NAV1: variants seen among roughly 807,000 people sequenced by gnomAD.
NAV1 encodes neuron navigator 1, also known as pore membrane and/or filament interacting like protein 3.
NAV1 carries 18 observed loss-of-function variants against 175.2 expected under a neutral mutation model. That is an observed-to-expected ratio of 0.10 (90% CI 0.07 to 0.15). NAV1 has a LOEUF of 0.15. NAV1 is among the 10% of genes least tolerant of loss of function. NAV1 has a pLI of 1.00. For synonymous variants in NAV1, 897 were observed against 978.7 expected (o/e 0.92, Z 1.56); for missense variants, 1,731 against 2,436.6 (o/e 0.71, Z 6.10).
At chr1:201,693,235 T>A (rs1671033324) in intron 1 of NAV1, among the ~76,000 whole-genome samples, 1 of 152,170 alleles carries the variant, frequency 6.6e-6, no homozygotes, top group Admixed American at 6.5e-5. Flanking sequence ...GGCAGATGGA[T>A]GTGTAAAGAG....
chr1:201,785,183 G>C, intron 7 of NAV1, 127 bp from the exon 12 acceptor site: 1 of 884,280 alleles, frequency 1.1e-6, no homozygotes, highest in Non-Finnish European at 1.7e-6. Context: ...GCTAAAGCAG[G>C]TCATAGTTTG....
intron 3 of NAV1, among the ~76,000 whole-genome samples, chr1:201,748,470 C>G (rs909483874): frequency 2.6e-5 from 4 of 151,906 alleles, no homozygotes; most frequent in Admixed American, 6.6e-5. Flanking sequence ...ACCTACCAGC[C>G]TCCACCAAGC....
chr1:201,782,135 G>A lies in NAV1; in HGVS notation c.1664-41G>A. On this transcript the variant is annotated intron_variant, in intron 5 of 29. Transcript: ENST00000367296. The surrounding 1 kb of genome is among the most constrained non-coding windows in gnomAD (Gnocchi z 5.4). ...GAAAAGGGTGGGTTTTTAAGATACTGGTCAGTTTCAGCTCTTTTCTCATTT... is the reference window on the plus strand; with the variant it reads ...GAAAAGGGTGGGTTTTTAAGATACTAGTCAGTTTCAGCTCTTTTCTCATTT... 1.3e-6 allele frequency: 2 copies of A among 1,507,662 alleles called. No individual in the cohort carries two copies. The highest frequency in any genetic ancestry group is 2.3e-5 in the East Asian group (1 of 44,030). 93.4% of individuals were successfully genotyped at this position (1,507,662 alleles called of 1,614,324 possible).
At chr1:201,739,866 G>A in intron 3 of NAV1, 1 of 1,281,082 alleles carries the variant, frequency 7.8e-7, no homozygotes, top group East Asian at 3.1e-5. Context: ...CCCTGGTGGT[G>A]GGGAGAAAAG....
chr1:201,579,098 A>T (rs1340028612), intron 1 of NAV1, among the ~76,000 whole-genome samples: 2 of 151,476 alleles, frequency 1.3e-5, no homozygotes, highest in African/African-American at 4.9e-5. Context: ...ACACCGTTGC[A>T]CTCTAGCCTG....
exon 5 of NAV1, chr1:201,781,120 A>C: frequency 6.2e-7 from 1 of 1,614,218 alleles, no homozygotes; most frequent in Non-Finnish European, 8.5e-7. Context: ...TGGTAGCCTG[A>C]AGATGGAACC....
At chr1:201,562,171 ATTTT>A (rs566214709) in intron 1 of NAV1, among the ~76,000 whole-genome samples, 2 of 127,250 alleles carry the variant, frequency 1.6e-5, no homozygotes, top group Admixed American at 8.3e-5. Context: ...TGCCTGGCTA[ATTTT>A]TTTTTTTTTT....
exon 1 of NAV1, chr1:201,648,791 C>T: frequency 6.6e-7 from 1 of 1,514,854 alleles, no homozygotes; most frequent in East Asian, 2.5e-5. Flanking sequence ...ACGGCAGAGG[C>T]ATGCTGCCCA....
intron 1 of NAV1, among the ~76,000 whole-genome samples, chr1:201,569,548 C>T (rs1446117249): frequency 6.6e-6 from 1 of 152,202 alleles, no homozygotes; most frequent in Non-Finnish European, 1.5e-5. Context: ...CATCTTTCTG[C>T]CATCCTTCCC....
chr1:201,594,316 T>G (rs1283035197), intron 2 of NAV1, among the ~76,000 whole-genome samples: 2 of 152,120 alleles, frequency 1.3e-5, no homozygotes, highest in Admixed American at 6.5e-5. Flanking sequence ...AAGGCAGGGT[T>G]GGGGCTCAGC....
At chr1:201,739,896 G>A (rs1673291632) in intron 3 of NAV1, 2 of 1,291,902 alleles carry the variant, frequency 1.5e-6, no homozygotes, top group Non-Finnish European at 2.0e-6. Flanking sequence ...GGCAGGCGAG[G>A]GTTAGGTTTC....
rs768897837 is a variant in NAV1, at chr1:201,782,169, C to T, written c.1664-7C>T. ...CAGCTCTTTTCTCATTTCCCGTCCT[C>T]TTGCAGGCAAACCTGAGGGCAAAGC... On this transcript the variant is annotated splice_polypyrimidine_tract_variant and splice_region_variant and intron_variant, in intron 5 of 29. Transcript: ENST00000367296. This position sits in a 1 kb window ranked among gnomAD's most constrained non-coding sequence, Gnocchi z 5.4. The T allele has an allele frequency of 2.1e-5, 33 of 1,567,624 alleles. No individual in the cohort carries two copies. Among genetic ancestry groups the T allele is most frequent in the Admixed American group, 1.2e-4 (6 of 51,508 alleles).
At chr1:201,612,784 G>T (rs561688772) in intron 2 of NAV1, among the ~76,000 whole-genome samples, 1 of 152,278 alleles carries the variant, frequency 6.6e-6, no homozygotes, top group African/African-American at 2.4e-5. Flanking sequence ...GCATGGCAGT[G>T]TGTATCTTGT....
chr1:201,539,489 G>A lies in NAV1; in HGVS notation c.-144+147G>A, dbSNP rs1027549563. ...TGGTGCCCGAGGGAGGCTGTGGGCT[G>A]GGCTCGGGAGAGGCGCTGGAATAAA... On this transcript the variant is annotated intron_variant, in intron 1 of 33. Transcript: ENST00000685211. This position sits in a 1 kb window ranked among gnomAD's most constrained non-coding sequence, Gnocchi z 5.6. 7.9e-5 allele frequency among the ~76,000 whole-genome samples: 12 copies of A among 152,250 alleles called. No individual in the cohort carries two copies. The highest frequency in any genetic ancestry group is 2.6e-4 in the African/African-American group (11 of 41,562).
chr1:201,551,874 A>G (rs984097059), intron 1 of NAV1, among the ~76,000 whole-genome samples: 1 of 152,208 alleles, frequency 6.6e-6, no homozygotes, highest in African/African-American at 2.4e-5. Context: ...TGGAGCTAAT[A>G]AGCCGGCCCC....
intron 9 of NAV1, 122 bp downstream of exon 13, chr1:201,786,699 T>C (rs1024892000): frequency 1.1e-6 from 1 of 921,374 alleles, no homozygotes; most frequent in Non-Finnish European, 1.6e-6. Flanking sequence ...TTGGGTTGTT[T>C]CATGGTGCCT....
Position 201,808,567 on chromosome 1 carries a change from C to G in NAV1, c.3995C>G (p.Ala1332Gly). Residue 1332 changes from alanine to glycine, a missense_variant, in exon 19 of 30, where the codon GCC becomes GGC. Physicochemically the swap from Ala to Gly is moderately conservative, Grantham distance 60. This residue lies in a region of NAV1 where 18 missense variants were observed against 56.2 expected (regional missense o/e 0.32). Coordinates refer to ENST00000367296, the Ensembl canonical transcript of NAV1. This position sits in a 1 kb window ranked among gnomAD's most constrained non-coding sequence, Gnocchi z 5.5. Reference sequence around the variant, plus strand: ...ATCCGCTTGGAGGCCCTCAACTCTGCCCACCAACTGGATCAGCTTCGGGAG... The same window carrying G: ...ATCCGCTTGGAGGCCCTCAACTCTGGCCACCAACTGGATCAGCTTCGGGAG... 6.2e-7 allele frequency: 1 copy of G among 1,614,254 alleles called. No individual in the cohort carries two copies. The highest frequency in any genetic ancestry group is 1.7e-5 in the Admixed American group (1 of 60,034).
At chr1:201,758,905 T>C (rs1365170910) in intron 3 of NAV1, among the ~76,000 whole-genome samples, 1 of 152,248 alleles carries the variant, frequency 6.6e-6, no homozygotes, top group African/African-American at 2.4e-5. Context: ...TGTTTTCTTC[T>C]TACTAGCTGT....
intron 2 of NAV1, among the ~76,000 whole-genome samples, chr1:201,637,532 G>A (rs1668644624): frequency 6.6e-6 from 1 of 152,122 alleles, no homozygotes; most frequent in Non-Finnish European, 1.5e-5. Flanking sequence ...CAGGTTTTTG[G>A]GTTTGTGTGG....
Sources: allele counts gnomAD v4.1 joint callset (sites outside exome capture counted in the v4.1 genomes callset), GRCh38; gene constraint gnomAD v4.1.1; regional missense constraint gnomAD v4.1.1; non-coding constraint Gnocchi (gnomAD v3.1); transcripts MANE v1.5; gene names NCBI Gene and HGNC (gene_info 2026-07-23, HGNC 2026-07-21).